Variants in ZFHX3 observed in about 807,000 individuals in gnomAD.
ZFHX3 encodes zinc finger homeobox 3, also known as zinc finger homeobox protein 3.
In ZFHX3, 42 loss-of-function variants were observed where a neutral mutation model predicts 279.1. The observed-to-expected ratio is 0.15, with a 90% CI of 0.12 to 0.19. The LOEUF (loss-of-function observed/expected upper bound fraction) is 0.19. Ranked by LOEUF, ZFHX3 falls within the 10% of genes least tolerant of loss-of-function variation. ZFHX3 has a pLI of 1.00. For missense variants in ZFHX3, 4,981 were observed against 4,754.0 expected (o/e 1.05, Z -1.40); for synonymous variants, 2,293 against 1,957.8 (o/e 1.17, Z -4.52).
At chr16:73,072,717 A>G (rs1431983769) in intron 8 of ZFHX3, among the ~76,000 whole-genome samples, 1 of 152,112 alleles carries the variant, frequency 6.6e-6, no homozygotes, top group Admixed American at 6.5e-5. Context: ...GGCACATGCC[A>G]CCATGCCAGG....
intron 4 of ZFHX3, among the ~76,000 whole-genome samples, chr16:72,845,413 A>C (rs947917174): frequency 3.3e-5 from 5 of 152,190 alleles, no homozygotes; most frequent in African/African-American, 1.2e-4. Flanking sequence ...GAAAGGCTCC[A>C]TAATGAAGTC....
At chr16:72,865,156 T>C (rs1207331145) in intron 4 of ZFHX3, among the ~76,000 whole-genome samples, 2 of 152,218 alleles carry the variant, frequency 1.3e-5, no homozygotes, top group Non-Finnish European at 2.9e-5. Flanking sequence ...TTTCACTTTC[T>C]TAAGATGAAC....
chr16:73,046,881 T>C (rs1280246176), intron 1 of ZFHX3, among the ~76,000 whole-genome samples: 2 of 130,194 alleles, frequency 1.5e-5, no homozygotes, highest in Non-Finnish European at 3.2e-5. Context: ...CTTCAAGGAC[T>C]GTTAAATGAC....
intron 5 of ZFHX3, among the ~76,000 whole-genome samples, chr16:73,173,153 G>C (rs1303194437): frequency 6.6e-6 from 1 of 151,518 alleles, no homozygotes; most frequent in Non-Finnish European, 1.5e-5. Flanking sequence ...CGATGTCTCT[G>C]GGTTTTGGAT....
At chr16:73,873,850 T>C (rs2029878924) in intron 1 of ZFHX3, among the ~76,000 whole-genome samples, 1 of 152,120 alleles carries the variant, frequency 6.6e-6, no homozygotes, top group African/African-American at 2.4e-5. Context: ...CCCCACCTGA[T>C]GTATTTCCTC....
At chr16:72,887,607 G>C (rs2038660772) in intron 4 of ZFHX3, among the ~76,000 whole-genome samples, 1 of 150,986 alleles carries the variant, frequency 6.6e-6, no homozygotes, top group Non-Finnish European at 1.5e-5. Context: ...GGTAGAGTGA[G>C]GGTGCGTGTG....
chr16:73,254,632 T>C (rs2013609338), intron 5 of ZFHX3, among the ~76,000 whole-genome samples: 1 of 152,018 alleles, frequency 6.6e-6, no homozygotes, highest in Non-Finnish European at 1.5e-5. Context: ...AGAAGGATAT[T>C]AAAACCAAGA....
chr16:73,832,761 C>T (rs967482844), intron 1 of ZFHX3, among the ~76,000 whole-genome samples: 7 of 152,076 alleles, frequency 4.6e-5, no homozygotes, highest in Admixed American at 1.3e-4. Context: ...TTACTATTTG[C>T]TCACATGCTG....
chr16:72,910,354 C>T (rs1455604137), intron 3 of ZFHX3, among the ~76,000 whole-genome samples: 1 of 152,198 alleles, frequency 6.6e-6, no homozygotes, highest in Non-Finnish European at 1.5e-5. Flanking sequence ...TCATGCCATG[C>T]TCTTGCTTCC....
At chr16:73,553,906 T>C (rs1360250367) in intron 2 of ZFHX3, among the ~76,000 whole-genome samples, 1 of 152,166 alleles carries the variant, frequency 6.6e-6, no homozygotes, top group Non-Finnish European at 1.5e-5. Flanking sequence ...CTGAAATGCT[T>C]AATGTGAGTT....
At chr16:73,039,136 T>C (rs1965019145) in intron 1 of ZFHX3, among the ~76,000 whole-genome samples, 1 of 148,398 alleles carries the variant, frequency 6.7e-6, no homozygotes, top group South Asian at 2.1e-4. Flanking sequence ...AAAAAAAAAG[T>C]TTGTAGAGAC....
intron 4 of ZFHX3, among the ~76,000 whole-genome samples, chr16:72,838,769 C>T (rs1383226904): frequency 6.6e-6 from 1 of 152,242 alleles, no homozygotes; most frequent in Non-Finnish European, 1.5e-5. Context: ...TTCCATTTAT[C>T]TGTGTTCTTA....
intron 4 of ZFHX3, among the ~76,000 whole-genome samples, chr16:72,875,499 C>T (rs1348603617): frequency 6.6e-6 from 1 of 152,232 alleles, no homozygotes; most frequent in East Asian, 1.9e-4. Context: ...CAGATCATTG[C>T]TCACACGGCT....
At chr16:73,530,974 A>G (rs1182020559) in intron 2 of ZFHX3, among the ~76,000 whole-genome samples, 1 of 152,216 alleles carries the variant, frequency 6.6e-6, no homozygotes, top group Admixed American at 6.5e-5. Context: ...CTGAAAACCT[A>G]AAAGTTGTTT....
At chr16:73,835,901 T>C (rs929415274) in intron 1 of ZFHX3, among the ~76,000 whole-genome samples, 1 of 152,160 alleles carries the variant, frequency 6.6e-6, no homozygotes, top group African/African-American at 2.4e-5. Flanking sequence ...TACTCCCTGT[T>C]CTCTTACTAC....
intron 5 of ZFHX3, among the ~76,000 whole-genome samples, chr16:73,156,088 C>G (rs950489835): frequency 6.6e-6 from 1 of 151,114 alleles, no homozygotes; most frequent in African/African-American, 2.4e-5. Flanking sequence ...AAAAATTAGC[C>G]GGGTGTGGTG....
intron 1 of ZFHX3, among the ~76,000 whole-genome samples, chr16:73,878,285 C>T (rs1481502474): frequency 6.6e-6 from 1 of 152,004 alleles, no homozygotes; most frequent in African/African-American, 2.4e-5. Context: ...AATTGTTCAT[C>T]CCACAGGTAA....
At chr16:73,079,421 A>C (rs1019531419) in intron 8 of ZFHX3, among the ~76,000 whole-genome samples, 3 of 152,152 alleles carry the variant, frequency 2.0e-5, no homozygotes, top group African/African-American at 7.2e-5. Flanking sequence ...GCTATCTGGG[A>C]GGCTGAGTCA....
intron 1 of ZFHX3, among the ~76,000 whole-genome samples, chr16:73,855,423 G>A (rs1961703089): frequency 6.6e-6 from 1 of 152,102 alleles, no homozygotes; most frequent in Non-Finnish European, 1.5e-5. Flanking sequence ...ACTTCCCTGA[G>A]CCACAAACAG....
Sources: allele counts gnomAD v4.1 joint callset (sites outside exome capture counted in the v4.1 genomes callset), GRCh38; gene constraint gnomAD v4.1.1; transcripts MANE v1.5; gene names NCBI Gene and HGNC (gene_info 2026-07-23, HGNC 2026-07-21).